Variants in TRIP13 observed in about 807,000 individuals in gnomAD.
TRIP13 encodes thyroid hormone receptor interactor 13.
A neutral mutation model predicts 54.4 loss-of-function variants in TRIP13; 25 were observed. The ratio of observed to expected loss-of-function variants is 0.46; its 90% CI spans 0.33 to 0.64. The LOEUF is 0.64. Ranked by LOEUF, TRIP13 falls within the 30% of genes least tolerant of loss-of-function variation. The pLI is 0.02. For synonymous variants in TRIP13, 207 were observed against 207.8 expected, an observed-to-expected ratio of 1.00 and a Z score of 0.03; for missense variants, 373 against 534.2, an observed-to-expected ratio of 0.70 and a Z score of 2.97.
chr5:896,522 A>G, intron 2 of TRIP13, 143 bp from the exon 3 acceptor site: 1 of 788,136 alleles, frequency 1.3e-6, no homozygotes, highest in South Asian at 2.6e-5. Flanking sequence ...ATAAAATAAT[A>G]GCCTTCTCAT....
chr5:896,754 A>G lies in TRIP13; in HGVS notation c.348A>G (p.Thr116=), dbSNP rs144812796. The change falls in exon 3 of 13, where the codon ACA becomes ACG. Residue 116 remains threonine (T), a synonymous_variant. Transcript: ENST00000166345. ...GPSSENLEEE[T]ENIIAANHWV... is the part of the protein sequence containing the mutation. ...GCAGTGAAAATCTGGAGGAAGAGAC[A>G]GAAAACATAATTGCAGCAAATCACT... 2.3e-4 allele frequency: 368 copies of G among 1,613,932 alleles called. 2 individuals are homozygous for G. Among genetic ancestry groups the G allele is most frequent in the Middle Eastern group, 1.6e-4 (1 of 6,062 alleles).
chr5:911,486 G>T lies in TRIP13; in HGVS notation c.867-357G>T, dbSNP rs1754229618. Among the ~76,000 whole-genome samples, 1 of 152,082 alleles carries T rather than the reference G, an allele frequency of 6.6e-6. No individual in the cohort carries two copies. Among genetic ancestry groups the T allele is most frequent in the Non-Finnish European group, 1.5e-5 (1 of 68,002 alleles). On this transcript the variant is annotated intron_variant, in intron 9 of 12. Coordinates refer to ENST00000166345, the MANE Select transcript of TRIP13 (RefSeq NM_004237.4). The surrounding 1 kb of genome is among the most constrained non-coding windows in gnomAD (Gnocchi z 4.7). The stretch of plus-strand genomic sequence containing the variant: ...CTTGGGAGGCTGAGGCAGGAGAATG[G>T]TGTGAACCGGCGAGGCGGAGCTTGC...
At chr5:896,437 T>C (rs890184332) in intron 2 of TRIP13, among the ~76,000 whole-genome samples, 1 of 152,248 alleles carries the variant, frequency 6.6e-6, no homozygotes, top group African/African-American at 2.4e-5. Flanking sequence ...CACTTTTTCA[T>C]TCTGTAAGTA....
rs548932204 is a variant in TRIP13 at position 908,952 on chromosome 5, C to T, written c.866+491C>T. The T allele has an allele frequency of 1.4e-3, 223 of 156,984 alleles. No homozygotes were observed. The highest frequency in any genetic ancestry group is 2.3e-3 in the Non-Finnish European group (163 of 70,728). 9.7% of individuals were successfully genotyped at this position (156,984 alleles called of 1,614,324 possible). ...CAGCCTGGGTGACAGAGCAAGACTC[C>T]GTCTCAGAAAAAAAAAATGTGAAAG... On this transcript the variant is annotated intron_variant, in intron 9 of 12. Coordinates refer to ENST00000166345, the MANE Select transcript of TRIP13 (RefSeq NM_004237.4). The surrounding 1 kb of genome is among the most constrained non-coding windows in gnomAD (Gnocchi z 5.2).
rs776488966 is a variant in TRIP13 at position 913,390 on chromosome 5, T to G, written c.1021-1075T>G. 1.3e-5 allele frequency among the ~76,000 whole-genome samples: 2 copies of G among 152,196 alleles called. No homozygotes were observed. Among genetic ancestry groups the G allele is most frequent in the Non-Finnish European group, 2.9e-5 (2 of 68,038 alleles). On this transcript the variant is annotated intron_variant, in intron 10 of 12. Transcript: ENST00000166345. The surrounding 1 kb of genome is among the most constrained non-coding windows in gnomAD (Gnocchi z 4.5). The stretch of plus-strand genomic sequence containing the variant: ...TGTTTATTTTGAGACACAGTCTCAC[T>G]CTTACCTAGAGCTGGAGTACAGTGG...
chr5:904,034 T>C lies in TRIP13; in HGVS notation c.536-114T>C, dbSNP rs1754053067. Reference sequence around the variant, plus strand: ...GCAGACTTCATTGTAGTAATAACATTAATAGCTTTTAACTGTATTCCTTAT... The same window carrying C: ...GCAGACTTCATTGTAGTAATAACATCAATAGCTTTTAACTGTATTCCTTAT... On this transcript the variant is annotated intron_variant, in intron 5 of 12. Transcript: ENST00000166345. 29 of 918,172 alleles carry C rather than the reference T, an allele frequency of 3.2e-5. No homozygotes were observed. In the South Asian group the frequency reaches 4.6e-4, roughly 15 times the overall value. The allele number at this position is 918,172 out of a possible 1,614,324, so 56.9% of individuals were successfully genotyped here.
Position 908,661 on chromosome 5 carries a change from T to C in TRIP13, c.866+200T>C. On this transcript the variant is annotated intron_variant, in intron 9 of 12. Transcript: ENST00000166345. This position sits in a 1 kb window ranked among gnomAD's most constrained non-coding sequence, Gnocchi z 5.2. ...TTTAAAGAAATTGTTTTTAGTGTGT[T>C]AAAAATGTAATAGAAGGCCAGGCGC... 1.4e-6 allele frequency: 2 copies of C among 1,400,110 alleles called. No individual in the cohort carries two copies. The highest frequency in any genetic ancestry group is 1.9e-6 in the Non-Finnish European group (2 of 1,074,354). 86.7% of individuals were successfully genotyped at this position (1,400,110 alleles called of 1,614,324 possible).
Position 915,099 on chromosome 5 carries a change from T to C in TRIP13, c.1133+522T>C, listed in dbSNP as rs1382914195. On this transcript the variant is annotated intron_variant, in intron 11 of 12. Coordinates refer to ENST00000166345, the MANE Select transcript of TRIP13 (RefSeq NM_004237.4). The surrounding 1 kb of genome is among the most constrained non-coding windows in gnomAD (Gnocchi z 4.2). ...AGAGCCTCGGGTTTCTGGCCAGAGT[T>C]TGAATTTTATTTTGAAGTTGGCAAG... Among the ~76,000 whole-genome samples, 3 of 152,148 alleles carry C rather than the reference T, an allele frequency of 2.0e-5. No individual in the cohort carries two copies. The highest frequency in any genetic ancestry group is 4.8e-5 in the African/African-American group (2 of 41,422).
Position 917,135 on chromosome 5 carries a change from T to C in TRIP13, c.*32T>C. 1 of 1,608,670 alleles carries C rather than the reference T, an allele frequency of 6.2e-7. No individual in the cohort carries two copies. The highest frequency in any genetic ancestry group is 2.2e-5 in the East Asian group (1 of 44,838). ...GCTTCCCCATCTGGTGCTTTTCCCA[T>C]GGAGAACACACAACCAGTAAGTGAG... is the stretch of plus-strand genomic sequence containing the variant. On this transcript the variant is annotated 3_prime_UTR_variant, in exon 13 of 13. Coordinates refer to ENST00000166345, the MANE Select transcript of TRIP13 (RefSeq NM_004237.4).
intron 5 of TRIP13, among the ~76,000 whole-genome samples, chr5:901,966 G>A (rs947631067): frequency 6.6e-6 from 1 of 152,162 alleles, no homozygotes; most frequent in African/African-American, 2.4e-5. Context: ...TCTTCCTGTG[G>A]GGGGCCACAT....
chr5:904,773 T>A (rs1754072825), intron 6 of TRIP13, among the ~76,000 whole-genome samples: 1 of 152,256 alleles, frequency 6.6e-6, no homozygotes, highest in Admixed American at 6.5e-5. Context: ...CTAATCTGCT[T>A]TTAATTCCAT....
chr5:904,970 T>G (rs559027349), intron 6 of TRIP13, among the ~76,000 whole-genome samples: 1 of 152,356 alleles, frequency 6.6e-6, no homozygotes, highest in Admixed American at 6.5e-5. Flanking sequence ...TGGTTTTTCT[T>G]CTGGTTAGGG....
At chr5:895,063 G>A in intron 2 of TRIP13, 111 bp downstream of exon 2, 1 of 1,234,842 alleles carries the variant, frequency 8.1e-7, no homozygotes, top group South Asian at 1.5e-5. Flanking sequence ...TCACTTCTCT[G>A]TTGGTTTGGG....
chr5:906,857 T>A (rs746106866), intron 6 of TRIP13, among the ~76,000 whole-genome samples: 1 of 152,264 alleles, frequency 6.6e-6, no homozygotes, highest in Non-Finnish European at 1.5e-5. Flanking sequence ...CTAATATTTT[T>A]AAACATAGAA....
rs766390570 is a variant in TRIP13 at position 911,948 on chromosome 5, A to G, written c.972A>G (p.Ala324=). The change falls in exon 10 of 13, where the codon GCA becomes GCG. Residue 324 remains alanine (A), a synonymous_variant. Coordinates refer to ENST00000166345, the MANE Select transcript of TRIP13 (RefSeq NM_004237.4). The surrounding 1 kb of genome is among the most constrained non-coding windows in gnomAD (Gnocchi z 4.7). ...AGCAGTACATTGGGCCACCCTCTGC[A>G]GCAGCCATCTTCAAAATCTACCTCT... is the stretch of plus-strand genomic sequence containing the variant. ...DIKQYIGPPS[A]AAIFKIYLSC... 4 of 1,613,672 alleles carry G rather than the reference A, an allele frequency of 2.5e-6. No individual in the cohort carries two copies. In the South Asian group the frequency reaches 3.3e-5, roughly 13 times the overall value.
chr5:896,867 C>CG lies in TRIP13; in HGVS notation c.388+73_388+74insG, dbSNP rs369578570. The CG allele has an allele frequency of 2.9e-3, 4,260 of 1,481,258 alleles. 97 individuals carry two copies. The African/African-American group carries it at 0.05, about 17-fold the overall frequency. The allele number at this position is 1,481,258 out of a possible 1,614,324, so 91.8% of individuals were successfully genotyped here. ...GTATACTCCATGCCATGTCAGTTCA[C>CG]AGGGGGGGTTCTGTTTGTCCATTTG... On this transcript the variant is annotated intron_variant, in intron 3 of 12. Coordinates refer to ENST00000166345, the MANE Select transcript of TRIP13 (RefSeq NM_004237.4).
chr5:906,611 T>G (rs186761961), intron 6 of TRIP13, among the ~76,000 whole-genome samples: 1 of 152,318 alleles, frequency 6.6e-6, no homozygotes, highest in Non-Finnish European at 1.5e-5. Context: ...TCTGGTGATT[T>G]AGTCAGCAGC....
intron 12 of TRIP13, among the ~76,000 whole-genome samples, chr5:916,632 T>G (rs1754346399): frequency 6.6e-6 from 1 of 152,170 alleles, no homozygotes; most frequent in South Asian, 2.1e-4. Context: ...CTCTGGGCAC[T>G]GGGCCATGGG....
In TRIP13 at chr5:908,076, T is replaced by A; in HGVS notation, c.759+2T>A. On this transcript the variant is annotated splice_donor_variant, in intron 8 of 12. Transcript: ENST00000166345. LOFTEE classifies it high-confidence loss of function. This position sits in a 1 kb window ranked among gnomAD's most constrained non-coding sequence, Gnocchi z 5.2. ...CTGGTGTTCGTGCTGATTGATGAGG[T>A]AGGCATTTCCAGATAAGGAAATTCA... The A allele has an allele frequency of 6.2e-7, 1 of 1,614,078 alleles. No individual in the cohort carries two copies. The highest frequency in any genetic ancestry group is 1.1e-5 in the South Asian group (1 of 91,088).
Sources: allele counts gnomAD v4.1 joint callset (sites outside exome capture counted in the v4.1 genomes callset), GRCh38; gene constraint gnomAD v4.1.1; non-coding constraint Gnocchi (gnomAD v3.1); transcripts MANE v1.5; gene names NCBI Gene and HGNC (gene_info 2026-07-23, HGNC 2026-07-21).